Variants in FAT1 observed in about 807,000 individuals in gnomAD.
The protein encoded by FAT1 is FAT atypical cadherin 1.
Under a neutral mutation model 329.8 loss-of-function variants are expected in FAT1, and 171 were observed. The observed-to-expected ratio is 0.52, with a 90% CI of 0.46 to 0.59. The LOEUF is 0.59. FAT1 is among the 20% of genes least tolerant of loss of function. FAT1 has a pLI of 0.00. For synonymous variants in FAT1, 2,233 were observed against 2,228.6 expected, an observed-to-expected ratio of 1.00 and a Z score of -0.06; for missense variants, 5,672 against 5,774.4, an observed-to-expected ratio of 0.98 and a Z score of 0.57.
chr4:186,648,088 C>A (rs1741463056), intron 3 of FAT1, among the ~76,000 whole-genome samples: 1 of 152,116 alleles, frequency 6.6e-6, no homozygotes, highest in South Asian at 2.1e-4. Context: ...AATGTGTGCA[C>A]AAACTCCTGT....
At chr4:186,606,809 C>G (rs2126450814) in intron 16 of FAT1, among the ~76,000 whole-genome samples, 1 of 152,304 alleles carries the variant, frequency 6.6e-6, no homozygotes, top group East Asian at 1.9e-4. Flanking sequence ...AGGGCAGTTC[C>G]CTATAAAGCT....
chr4:186,597,649 G>T lies in FAT1; in HGVS notation c.12368+33C>A, dbSNP rs749054777. 3.3e-6 allele frequency: 5 copies of T among 1,508,762 alleles called. No individual in the cohort carries two copies. In the South Asian group the frequency reaches 5.7e-5, roughly 17 times the overall value. The allele number at this position is 1,508,762 out of a possible 1,614,324, so 93.5% of individuals were successfully genotyped here. ...CCAGTCAATATGACGCTATGAAAAGGTATGAACCTAAATTTTGAAAGAAAC... is the reference window on the plus strand; with the variant it reads ...CCAGTCAATATGACGCTATGAAAAGTTATGAACCTAAATTTTGAAAGAAAC... On this transcript the variant is annotated intron_variant, in intron 24 of 26. Transcript: ENST00000441802.
At chr4:186,664,268 G>A (rs1278152970) in intron 2 of FAT1, among the ~76,000 whole-genome samples, 1 of 152,120 alleles carries the variant, frequency 6.6e-6, no homozygotes, top group African/African-American at 2.4e-5. Flanking sequence ...CCTGAGTGTT[G>A]AGGTCCTTTT....
chr4:186,603,011 G>C lies in FAT1; in HGVS notation c.11374C>G (p.His3792Asp), dbSNP rs1464988352. 2 of 1,613,948 alleles carry C rather than the reference G, an allele frequency of 1.2e-6. No homozygotes were observed. The highest frequency in any genetic ancestry group is 1.7e-6 in the Non-Finnish European group (2 of 1,179,880). Residue 3792 changes from histidine to aspartate, a missense_variant, in exon 20 of 27, where the codon CAT (histidine) becomes GAT (aspartate). Transcript: ENST00000441802. The part of the protein sequence containing the change: ...CKEGRCPPVH[H>D]GCEDDPCPEG... ...GGGCACGGATCATCTTCACAGCCAT[G>C]GTGGACAGGTGGGCACCTTCCCTCT... is the stretch of plus-strand genomic sequence containing the variant.
At position 186,696,871 on chromosome 4, in the gene FAT1, A is replaced by G. The variant is rs1446169058; in HGVS notation, c.3265+9692T>C. Among the ~76,000 whole-genome samples the G allele has an allele frequency of 2.0e-5, 3 of 152,146 alleles. No individual in the cohort carries two copies. In the East Asian group the frequency reaches 5.8e-4, roughly 29 times the overall value. On this transcript the variant is annotated intron_variant, in intron 2 of 26. Coordinates refer to ENST00000441802, the MANE Select transcript of FAT1 (RefSeq NM_005245.4). ...AAAACTCGTCTCTAGTAAAAACAGA[A>G]AAATTAGCTGGGTGTGGTGGTGCAC...
chr4:186,604,896 G>A (rs1346769580), intron 17 of FAT1, among the ~76,000 whole-genome samples: 1 of 151,574 alleles, frequency 6.6e-6, no homozygotes, highest in Admixed American at 6.6e-5. Context: ...GAGGAGGAGT[G>A]TAGGAGAAGA....
At chr4:186,655,212 C>T (rs1741847595) in intron 3 of FAT1, among the ~76,000 whole-genome samples, 4 of 152,168 alleles carry the variant, frequency 2.6e-5, no homozygotes, top group African/African-American at 9.6e-5. Flanking sequence ...AGAGGATGCC[C>T]TGTACCATTA....
At chr4:186,605,088 G>A (rs1350465141) in intron 17 of FAT1, among the ~76,000 whole-genome samples, 3 of 151,810 alleles carry the variant, frequency 2.0e-5, no homozygotes, top group African/African-American at 7.3e-5. Context: ...GCGTGGTGGT[G>A]GGTGCCTGTA....
Position 186,609,857 on chromosome 4 carries a change from C to T in FAT1, c.10012G>A (p.Asp3338Asn), listed in dbSNP as rs2126459385. Reference protein sequence around the residue: ...INDNTPVFSQDTYTTVISEDA... With the variant: ...INDNTPVFSQNTYTTVISEDA... ...TCACTGATGACTGTCGTGTAGGTGT[C>T]TTGGCTGAACACAGGGGTATTATCG... Residue 3338 changes from aspartate to asparagine, a missense_variant, in exon 15 of 27, where the codon GAC (aspartate) becomes AAC (asparagine). This residue lies in a region of FAT1 where 1,706 missense variants were observed against 1,859.1 expected (regional missense o/e 0.92). Coordinates refer to ENST00000441802, the MANE Select transcript of FAT1 (RefSeq NM_005245.4). 1 of 1,613,488 alleles carries T rather than the reference C, an allele frequency of 6.2e-7. No homozygotes were observed. The highest frequency in any genetic ancestry group is 8.5e-7 in the Non-Finnish European group (1 of 1,179,664).
At chr4:186,667,568 G>A (rs1450521906) in intron 2 of FAT1, among the ~76,000 whole-genome samples, 1 of 152,140 alleles carries the variant, frequency 6.6e-6, no homozygotes, top group Non-Finnish European at 1.5e-5. Context: ...AAAAATCACT[G>A]AATACAACTT....
chr4:186,647,964 C>T (rs1431910453), intron 3 of FAT1, among the ~76,000 whole-genome samples: 2 of 152,256 alleles, frequency 1.3e-5, no homozygotes, highest in African/African-American at 4.8e-5. Context: ...ACCTGTAATA[C>T]ACTCATGGGC....
At chr4:186,662,551 C>A (rs1742226063) in intron 3 of FAT1, among the ~76,000 whole-genome samples, 2 of 152,118 alleles carry the variant, frequency 1.3e-5, no homozygotes, top group Non-Finnish European at 2.9e-5. Context: ...CAATCCCTTA[C>A]CACCTGCAGA....
intron 1 of FAT1, among the ~76,000 whole-genome samples, chr4:186,716,841 C>T (rs1452245452): frequency 6.6e-6 from 1 of 152,154 alleles, no homozygotes; most frequent in Non-Finnish European, 1.5e-5. Context: ...TGGAGCACAG[C>T]GGTGCAATCG....
chr4:186,686,524 T>C (rs1316333726), intron 2 of FAT1, among the ~76,000 whole-genome samples: 1 of 152,188 alleles, frequency 6.6e-6, no homozygotes. Flanking sequence ...TCTGCCTCAA[T>C]ACAAATCTCA....
chr4:186,594,609 A>G (rs2126377467), intron 26 of FAT1, among the ~76,000 whole-genome samples: 1 of 145,966 alleles, frequency 6.9e-6, no homozygotes, highest in East Asian at 2.0e-4. Flanking sequence ...TTGATACCAT[A>G]TATACGGTAT....
chr4:186,614,521 G>T (rs1739613011), intron 11 of FAT1, among the ~76,000 whole-genome samples, 177 bp from the exon 12 acceptor site: 1 of 152,174 alleles, frequency 6.6e-6, no homozygotes, highest in African/African-American at 2.4e-5. Flanking sequence ...AAACACATGT[G>T]AAACAAGGAG....
At position 186,703,556 on chromosome 4, in the gene FAT1, G is replaced by A. The variant is rs143855993; in HGVS notation, c.3265+3007C>T. 1.4e-4 allele frequency among the ~76,000 whole-genome samples: 21 copies of A among 152,344 alleles called. 1 individual carries two copies. Among genetic ancestry groups the A allele is most frequent in the African/African-American group, 5.1e-4 (21 of 41,570 alleles). On this transcript the variant is annotated intron_variant, in intron 2 of 26. Transcript: ENST00000441802. ...AGTAGCTTTAAGTCAAAGACAAGAA[G>A]CAAACAGTTACGTGGACAGGTTGTT...
chr4:186,590,629 A>C (rs1738196839), intron 26 of FAT1: 2 of 456,740 alleles, frequency 4.4e-6, no homozygotes, highest in Admixed American at 2.3e-5. Context: ...CTGCGGAATG[A>C]GGAACCAGAA....
At chr4:186,703,513 T>A (rs1381993191) in intron 2 of FAT1, among the ~76,000 whole-genome samples, 1 of 152,230 alleles carries the variant, frequency 6.6e-6, no homozygotes, top group Non-Finnish European at 1.5e-5. Context: ...AATTTGGTTA[T>A]AATACTCAAC....
Sources: allele counts gnomAD v4.1 joint callset (sites outside exome capture counted in the v4.1 genomes callset), GRCh38; gene constraint gnomAD v4.1.1; regional missense constraint gnomAD v4.1.1; transcripts MANE v1.5; gene names NCBI Gene and HGNC (gene_info 2026-07-23, HGNC 2026-07-21).